The following DERA variants were observed in gnomAD, a reference collection of about 807,000 sequenced individuals.
The protein encoded by DERA is 2-deoxy-D-ribose 5-phosphate aldolase.
Under a neutral mutation model 41.1 loss-of-function variants are expected in DERA, and 15 were observed. That is an observed-to-expected ratio of 0.37 (90% confidence interval 0.24 to 0.56). The LOEUF (loss-of-function observed/expected upper bound fraction) is 0.56. Ranked by LOEUF, DERA falls within the 20% of genes least tolerant of loss-of-function variation. The probability of loss-of-function intolerance (pLI) is 0.81; values close to 1 mark genes in which losing one functional copy is unlikely to be tolerated. For synonymous variants in DERA, 139 were observed against 137.4 expected (o/e 1.01, Z -0.08); for missense variants, 396 against 403.4 (o/e 0.98, Z 0.16).
Position 15,951,924 on chromosome 12 carries a change from C to T in DERA, c.32-5012C>T, listed in dbSNP as rs540831763. On this transcript the variant is annotated intron_variant, in intron 1 of 8. Transcript: ENST00000428559. ...CTTTTTTTTTTTCTTTTTTTTGAGA[C>T]GGAGTCTTGCTCTGTTGCCCAGGCT... is the stretch of plus-strand genomic sequence containing the variant. Among the ~76,000 whole-genome samples, 73 of 150,018 alleles carry T rather than the reference C, an allele frequency of 4.9e-4. 1 individual carries two copies. Among genetic ancestry groups the T allele is most frequent in the Non-Finnish European group, 7.4e-4 (50 of 67,726 alleles).
chr12:15,952,110 A>G lies in DERA; in HGVS notation c.32-4826A>G, dbSNP rs1009036992. On this transcript the variant is annotated intron_variant, in intron 1 of 8. Coordinates refer to ENST00000428559, the MANE Select transcript of DERA (RefSeq NM_015954.4). ...GAGACAGGGTTTCACCATATTGACC[A>G]GGCTGGTCTCGAACTCCTGACCTCG... 9.2e-5 allele frequency among the ~76,000 whole-genome samples: 14 copies of G among 152,314 alleles called. No individual in the cohort carries two copies. The East Asian group carries it at 2.7e-3, about 29-fold the overall frequency.
rs1345213931 is a variant in DERA at position 16,026,862 on chromosome 12, A to G, written c.638-5680A>G. 1.3e-5 allele frequency among the ~76,000 whole-genome samples: 2 copies of G among 152,136 alleles called. No homozygotes were observed. Among genetic ancestry groups the G allele is most frequent in the Non-Finnish European group, 2.9e-5 (2 of 67,992 alleles). ...CAGATAAAGACACTGCCAGAAAGAA[A>G]ACCTATAGATGAACATCTTTAATGA... On this transcript the variant is annotated intron_variant, in intron 6 of 8. Transcript: ENST00000428559. This position sits in a 1 kb window ranked among gnomAD's most constrained non-coding sequence, Gnocchi z 4.4.
rs991295538 is a variant in DERA, at chr12:16,001,439, A to G, written c.637+19003A>G. Among the ~76,000 whole-genome samples the G allele has an allele frequency of 6.6e-6, 1 of 152,294 alleles. No homozygotes were observed. Among genetic ancestry groups the G allele is most frequent in the East Asian group, 1.9e-4 (1 of 5,188 alleles). ...AAAGTTCAGTGTTTTATTCGAGACA[A>G]TTGACTCAGAGAAAAGAACAACTCA... On this transcript the variant is annotated intron_variant, in intron 6 of 8. Coordinates refer to ENST00000428559, the MANE Select transcript of DERA (RefSeq NM_015954.4). This position sits in a 1 kb window ranked among gnomAD's most constrained non-coding sequence, Gnocchi z 4.1.
At chr12:15,979,913 A>G (rs1948722065) in intron 5 of DERA, among the ~76,000 whole-genome samples, 1 of 152,188 alleles carries the variant, frequency 6.6e-6, no homozygotes, top group African/African-American at 2.4e-5. Context: ...GTTCACAAAT[A>G]TGGTCGTGAT....
chr12:15,992,997 G>T lies in DERA; in HGVS notation c.637+10561G>T, dbSNP rs1209245361. Reference sequence around the variant, plus strand: ...GGAAGAGTACTAACACAAAAATATGGGGCTTGAGAAAAGCAGACCTTGAAG... The same window carrying T: ...GGAAGAGTACTAACACAAAAATATGTGGCTTGAGAAAAGCAGACCTTGAAG... On this transcript the variant is annotated intron_variant, in intron 6 of 8. Transcript: ENST00000428559. This position sits in a 1 kb window ranked among gnomAD's most constrained non-coding sequence, Gnocchi z 4.3. Among the ~76,000 whole-genome samples the T allele has an allele frequency of 6.6e-6, 1 of 152,104 alleles. No homozygotes were observed. The highest frequency in any genetic ancestry group is 2.4e-5 in the African/African-American group (1 of 41,414).
At position 15,989,913 on chromosome 12, in the gene DERA, C is replaced by CA. The variant is rs1948789872; in HGVS notation, c.637+7481dup. On this transcript the variant is annotated intron_variant, in intron 6 of 8. Coordinates refer to ENST00000428559, the MANE Select transcript of DERA (RefSeq NM_015954.4). This position sits in a 1 kb window ranked among gnomAD's most constrained non-coding sequence, Gnocchi z 5.2. ...GGTTTAATCTTGTTTAGAAATCTTT[C>CA]AAAATGTTTTAGAGCAAGGAACACA... Among the ~76,000 whole-genome samples the CA allele has an allele frequency of 6.6e-6, 1 of 152,096 alleles. No homozygotes were observed. The highest frequency in any genetic ancestry group is 1.5e-5 in the Non-Finnish European group (1 of 67,982).
Position 16,036,267 on chromosome 12 carries a change from A to T in DERA, c.786A>T (p.Ala262=). 1 of 1,613,508 alleles carries T rather than the reference A, an allele frequency of 6.2e-7. No individual in the cohort carries two copies. Among genetic ancestry groups the T allele is most frequent in the South Asian group, 1.1e-5 (1 of 91,020 alleles). The change falls in exon 8 of 9, where the codon GCA becomes GCT. Residue 262 remains alanine, a synonymous_variant. Coordinates refer to ENST00000428559, the MANE Select transcript of DERA (RefSeq NM_015954.4). The surrounding 1 kb of genome is among the most constrained non-coding windows in gnomAD (Gnocchi z 4.9). The part of the protein sequence containing the change: ...GFKPAGGIRS[A]KDSLAWLSLV... ...AACCAGCAGGAGGCATCCGCAGTGCAAAGGATTCCCTTGCTTGGCTCTCTC... is the reference window on the plus strand; with the variant it reads ...AACCAGCAGGAGGCATCCGCAGTGCTAAGGATTCCCTTGCTTGGCTCTCTC...
At chr12:15,945,616 G>T (rs1016787137) in intron 1 of DERA, among the ~76,000 whole-genome samples, 1 of 152,176 alleles carries the variant, frequency 6.6e-6, no homozygotes, top group Admixed American at 6.5e-5. Flanking sequence ...TCAGCTTAAG[G>T]AGATTTGGGG....
intron 1 of DERA, among the ~76,000 whole-genome samples, chr12:15,951,203 C>G (rs1340889484): frequency 6.6e-6 from 1 of 152,226 alleles, no homozygotes; most frequent in Non-Finnish European, 1.5e-5. Flanking sequence ...TGGGCCAGAG[C>G]AGGCTCTAAG....
In DERA at chr12:16,014,023, T is replaced by A. The variant is rs1446965216; in HGVS notation, c.638-18519T>A. 6.6e-6 allele frequency among the ~76,000 whole-genome samples: 1 copy of A among 152,196 alleles called. No individual in the cohort carries two copies. The highest frequency in any genetic ancestry group is 2.4e-5 in the African/African-American group (1 of 41,452). ...CAGAATAAATTTCTAAGCAGAAAAG[T>A]GTTCAAGAGGTGACTGGGTGTTCTT... On this transcript the variant is annotated intron_variant, in intron 6 of 8. Transcript: ENST00000428559. This position sits in a 1 kb window ranked among gnomAD's most constrained non-coding sequence, Gnocchi z 5.4.
chr12:15,922,911 G>A lies in DERA; in HGVS notation c.31+11497G>A, dbSNP rs1948254456. Among the ~76,000 whole-genome samples the A allele has an allele frequency of 6.6e-6, 1 of 152,066 alleles. No homozygotes were observed. The highest frequency in any genetic ancestry group is 1.9e-4 in the East Asian group (1 of 5,196). ...GGTGGGGGATGTTGATAATGGGGGA[G>A]GCTATGCATGTGTGGGGCAAAGCTT... On this transcript the variant is annotated intron_variant, in intron 1 of 8. Coordinates refer to ENST00000428559, the MANE Select transcript of DERA (RefSeq NM_015954.4). This position sits in a 1 kb window ranked among gnomAD's most constrained non-coding sequence, Gnocchi z 4.9.
In DERA at chr12:15,972,867, G is replaced by A. The variant is rs576193499; in HGVS notation, c.509-9441G>A. Among the ~76,000 whole-genome samples, 16 of 152,290 alleles carry A rather than the reference G, an allele frequency of 1.1e-4. No individual in the cohort carries two copies. The highest frequency in any genetic ancestry group is 5.8e-4 in the East Asian group (3 of 5,164). Reference sequence around the variant, plus strand: ...AAATAAAGAAAACTAAAATGCTATCGATGCAAGTTCCTGCTGGCGTGCGGG... The same window carrying A: ...AAATAAAGAAAACTAAAATGCTATCAATGCAAGTTCCTGCTGGCGTGCGGG... On this transcript the variant is annotated intron_variant, in intron 5 of 8. Transcript: ENST00000428559. The surrounding 1 kb of genome is among the most constrained non-coding windows in gnomAD (Gnocchi z 4.4).
chr12:16,023,850 CAG>C (rs1160113081), intron 6 of DERA, among the ~76,000 whole-genome samples: 3 of 151,922 alleles, frequency 2.0e-5, no homozygotes, highest in Non-Finnish European at 4.4e-5. Context: ...AATTATCTGA[CAG>C]AGAATTTAAA....
rs1027499098 is a variant in DERA at position 16,026,105 on chromosome 12, T to C, written c.638-6437T>C. Among the ~76,000 whole-genome samples, 3 of 151,950 alleles carry C rather than the reference T, an allele frequency of 2.0e-5. No homozygotes were observed. Among genetic ancestry groups the C allele is most frequent in the African/African-American group, 7.2e-5 (3 of 41,396 alleles). ...ATATATTAGAAAAGAATAAAGTCAA[T>C]ATGCAAGCTTTCATCTTAGGAAAGT... is the stretch of plus-strand genomic sequence containing the variant. On this transcript the variant is annotated intron_variant, in intron 6 of 8. Coordinates refer to ENST00000428559, the MANE Select transcript of DERA (RefSeq NM_015954.4). This position sits in a 1 kb window ranked among gnomAD's most constrained non-coding sequence, Gnocchi z 4.4.
At position 16,011,166 on chromosome 12, in the gene DERA, A is replaced by C. The variant is rs1948944236; in HGVS notation, c.638-21376A>C. ...ATGTTAATATATACTATATATTCCA[A>C]ACTTGCTAGTGACAGTAGAAAGCAC... On this transcript the variant is annotated intron_variant, in intron 6 of 8. Coordinates refer to ENST00000428559, the MANE Select transcript of DERA (RefSeq NM_015954.4). This position sits in a 1 kb window ranked among gnomAD's most constrained non-coding sequence, Gnocchi z 4.7. 1.3e-5 allele frequency among the ~76,000 whole-genome samples: 2 copies of C among 152,214 alleles called. No homozygotes were observed. The highest frequency in any genetic ancestry group is 6.5e-5 in the Admixed American group (1 of 15,282).
intron 1 of DERA, among the ~76,000 whole-genome samples, chr12:15,920,465 C>G (rs1948234856): frequency 6.6e-6 from 1 of 152,156 alleles, no homozygotes; most frequent in Non-Finnish European, 1.5e-5. Context: ...TGGCTGGGCT[C>G]TGACCCTGCC....
In DERA at chr12:15,928,640, A is replaced by AC. The variant is rs957888570; in HGVS notation, c.31+17231dup. Among the ~76,000 whole-genome samples, 9 of 151,886 alleles carry AC rather than the reference A, an allele frequency of 5.9e-5. No homozygotes were observed. The highest frequency in any genetic ancestry group is 1.9e-4 in the African/African-American group (8 of 41,400). On this transcript the variant is annotated intron_variant, in intron 1 of 8. Transcript: ENST00000428559. The surrounding 1 kb of genome is among the most constrained non-coding windows in gnomAD (Gnocchi z 4.6). ...TGGACTCTTATTGCATGCTTTTCCC[A>AC]CCCCCGAGGTGTCTACTTGGAGAGT...
intron 4 of DERA, 72 bp from the exon 5 acceptor site, chr12:15,962,731 ATTTGTTTTCC>A: frequency 8.0e-7 from 1 of 1,256,166 alleles, no homozygotes; most frequent in Non-Finnish European, 1.1e-6. Flanking sequence ...ACCAATTGAA[ATTTGTTTTCC>A]CCTCCCCCCC....
intron 1 of DERA, among the ~76,000 whole-genome samples, chr12:15,933,500 G>C (rs1025806345): frequency 3.1e-4 from 47 of 152,094 alleles, no homozygotes; most frequent in Admixed American, 2.5e-3. Context: ...CTTGGCTATA[G>C]TTTCTCCCTT....
Sources: gnomAD v4.1 joint callset for allele counts (sites outside exome capture counted in the v4.1 genomes callset) on GRCh38, gnomAD v4.1.1 for gene constraint, Gnocchi (gnomAD v3.1) non-coding constraint, MANE v1.5 for transcripts, NCBI Gene and HGNC (gene_info 2026-07-23, HGNC 2026-07-21) for gene names.